MTF1: variants seen among roughly 807,000 people sequenced by gnomAD.
MTF1 encodes metal regulatory transcription factor 1.
MTF1 carries 22 observed loss-of-function variants against 70.4 expected under a neutral mutation model. The observed-to-expected ratio is 0.31, with a 90% CI of 0.22 to 0.45. MTF1 has a LOEUF of 0.45. MTF1 is among the 20% of genes least tolerant of loss of function. The pLI, the probability that MTF1 is intolerant of heterozygous loss-of-function variation, is 1.00. For missense variants in MTF1, 649 were observed against 922.0 expected (o/e 0.70, Z 3.83); for synonymous variants, 333 against 352.8 (o/e 0.94, Z 0.63).
intron 6 of MTF1, 104 bp downstream of exon 6, chr1:37,834,975 C>T: frequency 8.0e-7 from 1 of 1,255,746 alleles, no homozygotes; most frequent in South Asian, 1.4e-5. Context: ...TCTTCCCGCT[C>T]ACTAACAGAT....
rs549026584 is a variant in MTF1 at position 37,814,260 on chromosome 1, A to C, written c.*876T>G. 5 of 152,304 alleles carry C rather than the reference A, an allele frequency of 3.3e-5. No homozygotes were observed. In the East Asian group the frequency reaches 9.6e-4, roughly 29 times the overall value. The allele number at this position is 152,304 out of a possible 1,614,324, so 9.4% of individuals were successfully genotyped here. On this transcript the variant is annotated 3_prime_UTR_variant, in exon 11 of 11. Transcript: ENST00000373036. Reference sequence around the variant, plus strand: ...GAAAATACCATTAAAAAGAAGGCAGACCACCAAACAGCACTGGCCATAAGC... The same window carrying C: ...GAAAATACCATTAAAAAGAAGGCAGCCCACCAAACAGCACTGGCCATAAGC...
intron 9 of MTF1, among the ~76,000 whole-genome samples, chr1:37,819,109 G>A (rs141023878): frequency 2.0e-5 from 3 of 152,242 alleles, no homozygotes; most frequent in Non-Finnish European, 4.4e-5. Flanking sequence ...CCAGGAGGGC[G>A]GCCCTCCAGA....
rs1320212557 is a variant in MTF1 at position 37,812,072 on chromosome 1, TTAG to T, written c.*3061_*3063del. 6.6e-6 allele frequency: 1 copy of T among 152,668 alleles called. No individual in the cohort carries two copies. Among genetic ancestry groups the T allele is most frequent in the Non-Finnish European group, 1.5e-5 (1 of 68,046 alleles). 9.5% of individuals were successfully genotyped at this position (152,668 alleles called of 1,614,324 possible). On this transcript the variant is annotated 3_prime_UTR_variant, in exon 11 of 11. Coordinates refer to ENST00000373036, the MANE Select transcript of MTF1 (RefSeq NM_005955.3). ...TGAAGCGGTTGTCTAATTGGAGATG[TTAG>T]TAGGAGCTAGAAGATAACGTACAGG...
At position 37,827,598 on chromosome 1, in the gene MTF1, G is replaced by A. The variant is rs183902809; in HGVS notation, c.1069-3786C>T. Among the ~76,000 whole-genome samples the A allele has an allele frequency of 7.9e-4, 120 of 152,010 alleles. No individual in the cohort carries two copies. In the East Asian group the frequency reaches 0.02, roughly 25 times the overall value. On this transcript the variant is annotated intron_variant, in intron 7 of 10. Coordinates refer to ENST00000373036, the MANE Select transcript of MTF1 (RefSeq NM_005955.3). ...AAAATGGTCTTGATCTTCTGACTTC[G>A]TGATCCACCCGCCTCGGCCTCCCAA...
intron 2 of MTF1, among the ~76,000 whole-genome samples, chr1:37,844,417 A>G (rs1486261139): frequency 1.3e-5 from 2 of 152,218 alleles, no homozygotes; most frequent in Non-Finnish European, 2.9e-5. Flanking sequence ...TCTACATGAC[A>G]GTGCCCTTCT....
chr1:37,835,839 C>A (rs1442595225), intron 4 of MTF1, 95 bp from the exon 5 acceptor site: 2 of 1,070,620 alleles, frequency 1.9e-6, no homozygotes, highest in Non-Finnish European at 2.8e-6. Context: ...CTCGCTCTGT[C>A]CCCAAGGCTG....
chr1:37,828,257 G>C, intron 7 of MTF1: 1 of 361,366 alleles, frequency 2.8e-6, no homozygotes, highest in Non-Finnish European at 5.4e-6. Context: ...ATGGCTTTTG[G>C]GGGTATGTGA....
chr1:37,822,709 C>T lies in MTF1; in HGVS notation c.1179G>A (p.Leu393=). The change falls in exon 9 of 11, where the codon TTG becomes TTA. Residue 393 remains leucine, a synonymous_variant. Coordinates refer to ENST00000373036, the MANE Select transcript of MTF1 (RefSeq NM_005955.3). ...IQEDPQQTAS[L]TESFNGDAES... Reference sequence around the variant, plus strand: ...CTGCATCACCATTAAAACTTTCAGTCAAGGAAGCTGGCAAGAAAAAGAAAT... The same window carrying T: ...CTGCATCACCATTAAAACTTTCAGTTAAGGAAGCTGGCAAGAAAAAGAAAT... 3 of 1,606,772 alleles carry T rather than the reference C, an allele frequency of 1.9e-6. No individual in the cohort carries two copies. In the South Asian group the frequency reaches 3.3e-5, roughly 18 times the overall value.
At chr1:37,818,716 C>T (rs1640860539) in intron 9 of MTF1, among the ~76,000 whole-genome samples, 1 of 146,738 alleles carries the variant, frequency 6.8e-6, no homozygotes, top group African/African-American at 2.5e-5. Context: ...AAAAAAAGGC[C>T]AGGTGTGGTG....
At position 37,852,376 on chromosome 1, in the gene MTF1, T is replaced by C. The variant is rs1485877907; in HGVS notation, c.408+4875A>G. On this transcript the variant is annotated intron_variant, in intron 2 of 10. Transcript: ENST00000373036. ...TCTTTAATTACCCCATCAAAACTTT[T>C]TCCTTTTCCCATCTTTCTTGATTCC... Among the ~76,000 whole-genome samples the C allele has an allele frequency of 1.4e-3, 214 of 152,236 alleles. 2 individuals carry two copies. Among genetic ancestry groups the C allele is most frequent in the Non-Finnish European group, 2.1e-4 (14 of 68,042 alleles).
intron 7 of MTF1, among the ~76,000 whole-genome samples, chr1:37,824,848 C>T (rs954172134): frequency 1.3e-5 from 2 of 151,996 alleles, no homozygotes; most frequent in Admixed American, 1.3e-4. Flanking sequence ...AATAGTGATA[C>T]CTTTATACTT....
At chr1:37,846,614 T>G (rs1177175988) in intron 2 of MTF1, among the ~76,000 whole-genome samples, 1 of 152,154 alleles carries the variant, frequency 6.6e-6, no homozygotes, top group Non-Finnish European at 1.5e-5. Context: ...TGAGCAGTTC[T>G]AGAATACAGA....
chr1:37,842,462 T>C (rs113855147), intron 2 of MTF1, among the ~76,000 whole-genome samples: 1 of 152,246 alleles, frequency 6.6e-6, no homozygotes, highest in African/African-American at 2.4e-5. Context: ...CTTCCCTATT[T>C]TCCTTGACTA....
intron 2 of MTF1, among the ~76,000 whole-genome samples, chr1:37,854,871 C>A (rs1641466841): frequency 6.6e-6 from 1 of 152,134 alleles, no homozygotes; most frequent in African/African-American, 2.4e-5. Flanking sequence ...ATCAGCCTGA[C>A]CAACATGGAG....
intron 9 of MTF1, 51 bp downstream of exon 9, chr1:37,822,070 C>A: frequency 7.1e-7 from 1 of 1,403,282 alleles, no homozygotes; most frequent in Non-Finnish European, 9.7e-7. Context: ...GAACATGTCA[C>A]CTATGTAAAT....
Position 37,835,759 on chromosome 1 carries a change from G to A in MTF1, c.780-15C>T. 1.2e-6 allele frequency: 2 copies of A among 1,611,012 alleles called. No homozygotes were observed. The highest frequency in any genetic ancestry group is 2.7e-5 in the African/African-American group (2 of 74,980). On this transcript the variant is annotated splice_polypyrimidine_tract_variant and intron_variant, in intron 4 of 10. Transcript: ENST00000373036. ...CGTGATCGCACCTAAATTTGTTAAG[G>A]AAAGAGAAACAGGAGTCATTAGCTA...
intron 2 of MTF1, among the ~76,000 whole-genome samples, chr1:37,854,454 G>A (rs933134276): frequency 6.6e-6 from 1 of 152,182 alleles, no homozygotes; most frequent in East Asian, 1.9e-4. Context: ...GTTGTAGGGG[G>A]CTGTCCTGTG....
At chr1:37,849,241 T>C (rs1308436012) in intron 2 of MTF1, among the ~76,000 whole-genome samples, 2 of 151,924 alleles carry the variant, frequency 1.3e-5, no homozygotes, top group Non-Finnish European at 2.9e-5. Context: ...GCCTGACCAA[T>C]ATGGTGAAAC....
chr1:37,847,841 A>T (rs1437774571), intron 2 of MTF1, among the ~76,000 whole-genome samples: 2 of 152,002 alleles, frequency 1.3e-5, no homozygotes, highest in Non-Finnish European at 2.9e-5. Context: ...CCAAAAAAAT[A>T]AGAAATTAGC....
Sources: gnomAD v4.1 joint callset for allele counts (sites outside exome capture counted in the v4.1 genomes callset) on GRCh38, gnomAD v4.1.1 for gene constraint, MANE v1.5 for transcripts, NCBI Gene and HGNC (gene_info 2026-07-23, HGNC 2026-07-21) for gene names.